ADAM12: variants seen among roughly 807,000 people sequenced by gnomAD.
ADAM12 encodes ADAM metallopeptidase domain 12.
In ADAM12, 70 loss-of-function variants were observed where a neutral mutation model predicts 106.4. That is an observed-to-expected ratio of 0.66 (90% CI 0.54 to 0.80). ADAM12 has a LOEUF of 0.80. Among genes scored for constraint, ADAM12 ranks in the 30% least tolerant of loss-of-function variants. The pLI is 0.00. For missense variants in ADAM12, 1,010 were observed against 1,171.9 expected (o/e 0.86, Z 2.02); for synonymous variants, 420 against 433.5 (o/e 0.97, Z 0.39).
chr10:126,142,895 G>C (rs1590489303), intron 4 of ADAM12, among the ~76,000 whole-genome samples: 1 of 152,082 alleles, frequency 6.6e-6, no homozygotes, highest in African/African-American at 2.4e-5. Flanking sequence ...GCGTATATTT[G>C]TGTGTGTGCA....
chr10:126,363,971 T>G (rs1258623798), intron 1 of ADAM12, among the ~76,000 whole-genome samples: 1 of 152,158 alleles, frequency 6.6e-6, no homozygotes, highest in African/African-American at 2.4e-5. Context: ...GAGCAGGATG[T>G]GTCCCAAAAA....
At position 126,104,462 on chromosome 10, in the gene ADAM12, AAAAG is replaced by A. The variant is rs917640425; in HGVS notation, c.742-3225_742-3222del. Among the ~76,000 whole-genome samples, 83 of 151,308 alleles carry A rather than the reference AAAAG, an allele frequency of 5.5e-4. 2 individuals are homozygous for A. Among genetic ancestry groups the A allele is most frequent in the East Asian group, 1.7e-3 (9 of 5,162 alleles). ...AAGACTCTGTCTAAAAAAAAAAAAAAAAAGAAAGAAAGAAAGAAAAGAAATTAAA... is the reference window on the plus strand; with the variant it reads ...AAGACTCTGTCTAAAAAAAAAAAAAAAAAGAAAGAAAGAAAAGAAATTAAA... On this transcript the variant is annotated intron_variant, in intron 8 of 22. Transcript: ENST00000448723.
In ADAM12 at chr10:126,045,295, G is replaced by A. The variant is rs58179117; in HGVS notation, c.1995+760C>T. The stretch of plus-strand genomic sequence containing the variant: ...ATATTGGGAGTTAGCTAACCTTACC[G>A]TCAACACCCCCATCTGAGGTGACAC... On this transcript the variant is annotated intron_variant, in intron 17 of 22. Coordinates refer to ENST00000448723, the MANE Select transcript of ADAM12 (RefSeq NM_001288973.2). 4.2e-3 allele frequency among the ~76,000 whole-genome samples: 641 copies of A among 152,248 alleles called. 6 individuals are homozygous for A. The highest frequency in any genetic ancestry group is 0.015 in the African/African-American group (603 of 41,536).
intron 3 of ADAM12, among the ~76,000 whole-genome samples, chr10:126,247,092 T>G (rs1314896043): frequency 1.3e-5 from 2 of 152,230 alleles, no homozygotes; most frequent in African/African-American, 2.4e-5. Flanking sequence ...TAAAATTACT[T>G]CTTGTTGGAA....
At chr10:126,295,420 T>C (rs993039393) in intron 2 of ADAM12, among the ~76,000 whole-genome samples, 2 of 152,236 alleles carry the variant, frequency 1.3e-5, no homozygotes, top group African/African-American at 4.8e-5. Flanking sequence ...GTCATACCTC[T>C]GCTCCTTTTG....
intron 3 of ADAM12, among the ~76,000 whole-genome samples, chr10:126,253,873 C>T (rs1224325427): frequency 6.6e-6 from 1 of 152,222 alleles, no homozygotes; most frequent in Non-Finnish European, 1.5e-5. Context: ...GCCCTAAGCC[C>T]TCCCCGTTTC....
At chr10:126,331,978 T>C (rs957897365) in intron 1 of ADAM12, among the ~76,000 whole-genome samples, 2 of 152,178 alleles carry the variant, frequency 1.3e-5, no homozygotes, top group East Asian at 1.9e-4. Flanking sequence ...CATGGAGATC[T>C]TGAGTAAGTG....
intron 3 of ADAM12, among the ~76,000 whole-genome samples, chr10:126,264,801 C>T (rs757670019): frequency 3.3e-5 from 5 of 152,102 alleles, no homozygotes; most frequent in Non-Finnish European, 5.9e-5. Flanking sequence ...TATGTCTAGA[C>T]GCAATCCAGA....
chr10:126,174,180 C>A (rs1297678724), intron 3 of ADAM12, among the ~76,000 whole-genome samples: 1 of 151,258 alleles, frequency 6.6e-6, no homozygotes, highest in African/African-American at 2.4e-5. Flanking sequence ...TACGTTGTTC[C>A]CCTCCTCCCC....
intron 3 of ADAM12, among the ~76,000 whole-genome samples, chr10:126,243,180 C>T (rs1474184634): frequency 6.6e-6 from 1 of 152,228 alleles, no homozygotes; most frequent in East Asian, 1.9e-4. Flanking sequence ...AGCATGGAGG[C>T]CGCCCTGGCT....
intron 4 of ADAM12, among the ~76,000 whole-genome samples, chr10:126,137,823 G>A (rs1156779070): frequency 6.6e-6 from 1 of 152,208 alleles, no homozygotes; most frequent in African/African-American, 2.4e-5. Context: ...TGACTATTAT[G>A]AGTAACGTTA....
chr10:126,166,625 C>T lies in ADAM12; in HGVS notation c.261-11320G>A, dbSNP rs372802131. The stretch of plus-strand genomic sequence containing the variant: ...GTGATTCTCCTGCCCCAGCCTCCCG[C>T]GTAGCTGAGACTACAGGCATGTGCC... On this transcript the variant is annotated intron_variant, in intron 3 of 22. Coordinates refer to ENST00000448723, the MANE Select transcript of ADAM12 (RefSeq NM_001288973.2). Among the ~76,000 whole-genome samples the T allele has an allele frequency of 3.7e-4, 56 of 152,224 alleles. No individual in the cohort carries two copies. In the East Asian group the frequency reaches 5.2e-3, roughly 14 times the overall value.
intron 11 of ADAM12, among the ~76,000 whole-genome samples, chr10:126,084,125 G>C (rs893105909): frequency 2.6e-5 from 4 of 152,138 alleles, no homozygotes; most frequent in Non-Finnish European, 5.9e-5. Flanking sequence ...TTTGACCTCT[G>C]CTCCTCCTCC....
In ADAM12 at chr10:126,142,700, G is replaced by A. The variant is rs148611684; in HGVS notation, c.340-7040C>T. The stretch of plus-strand genomic sequence containing the variant: ...TATCACCTAAAATCCATACATGGGC[G>A]GAATGCTTTTCCTGGGTACCGCAGA... On this transcript the variant is annotated intron_variant, in intron 4 of 22. Transcript: ENST00000448723. 8.5e-4 allele frequency among the ~76,000 whole-genome samples: 130 copies of A among 152,314 alleles called. No homozygotes were observed. In the East Asian group the frequency reaches 0.011, roughly 13 times the overall value.
chr10:126,344,146 T>C (rs1855046803), intron 1 of ADAM12, among the ~76,000 whole-genome samples: 1 of 152,220 alleles, frequency 6.6e-6, no homozygotes, highest in African/African-American at 2.4e-5. Flanking sequence ...AGGGTTTTTA[T>C]GGTTTTAGGT....
intron 14 of ADAM12, among the ~76,000 whole-genome samples, chr10:126,061,080 TC>T: frequency 6.6e-6 from 1 of 152,308 alleles, no homozygotes; most frequent in South Asian, 2.1e-4. Context: ...AAACCACTAT[TC>T]CACGGCAACC....
intron 8 of ADAM12, among the ~76,000 whole-genome samples, chr10:126,102,362 AG>A (rs1212754179): frequency 6.6e-6 from 1 of 152,230 alleles, no homozygotes; most frequent in African/African-American, 2.4e-5. Flanking sequence ...TAGTGATAGC[AG>A]CCAAAGCCAA....
chr10:126,321,710 G>A (rs1029605523), intron 2 of ADAM12, among the ~76,000 whole-genome samples: 4 of 152,290 alleles, frequency 2.6e-5, no homozygotes, highest in Admixed American at 1.3e-4. Flanking sequence ...TGCTCACCAC[G>A]TCTGCCCCCT....
intron 3 of ADAM12, among the ~76,000 whole-genome samples, chr10:126,260,698 C>G (rs1195574788): frequency 6.6e-6 from 1 of 152,096 alleles, no homozygotes; most frequent in African/African-American, 2.4e-5. Context: ...AGAAACATTG[C>G]CACTGAAAAC....
Sources: allele counts gnomAD v4.1 joint callset (sites outside exome capture counted in the v4.1 genomes callset), GRCh38; gene constraint gnomAD v4.1.1; transcripts MANE v1.5; gene names NCBI Gene and HGNC (gene_info 2026-07-23, HGNC 2026-07-21).